Variants in ANLN observed in about 807,000 individuals in gnomAD.
ANLN encodes the protein anillin, actin binding protein, also known as anillin.
In ANLN, 59 loss-of-function variants were observed where a neutral mutation model predicts 135.1. The ratio of observed to expected loss-of-function variants is 0.44; its 90% CI spans 0.35 to 0.54. The LOEUF is 0.54. ANLN is among the 20% of genes least tolerant of loss of function. The pLI is 0.00. For missense variants in ANLN, 1,182 were observed against 1,340.0 expected (o/e 0.88, Z 1.84); for synonymous variants, 406 against 456.4 (o/e 0.89, Z 1.41).
chr7:36,451,589 A>G (rs918802547), intron 23 of ANLN, among the ~76,000 whole-genome samples: 2 of 152,232 alleles, frequency 1.3e-5, no homozygotes, highest in African/African-American at 4.8e-5. Flanking sequence ...TGAATGAGTA[A>G]ACACACTTAG....
chr7:36,425,678 A>T, intron 17 of ANLN, 24 bp from the exon 18 acceptor site: 1 of 1,548,684 alleles, frequency 6.5e-7, no homozygotes, highest in Non-Finnish European at 8.9e-7. Context: ...AGAAATATAT[A>T]TAGTAAGCTA....
chr7:36,431,633 T>TATATATATA (rs1788334910), intron 20 of ANLN, among the ~76,000 whole-genome samples: 9 of 136,522 alleles, frequency 6.6e-5, no homozygotes, highest in African/African-American at 1.3e-4. Context: ...TATATATATA[T>TATATATATA]TACCATTTTA....
At chr7:36,451,982 T>C (rs758399907) in intron 23 of ANLN, among the ~76,000 whole-genome samples, 4 of 152,226 alleles carry the variant, frequency 2.6e-5, no homozygotes, top group Non-Finnish European at 4.4e-5. Flanking sequence ...TCTACTAATA[T>C]AGTAGGACAA....
intron 20 of ANLN, chr7:36,428,342 C>A: frequency 7.8e-7 from 1 of 1,283,534 alleles, no homozygotes; most frequent in Non-Finnish European, 1.0e-6. Context: ...AGCTACTGGG[C>A]TATTTGTTCC....
At chr7:36,435,329 T>C (rs1788483674) in intron 20 of ANLN, among the ~76,000 whole-genome samples, 1 of 152,016 alleles carries the variant, frequency 6.6e-6, no homozygotes, top group Non-Finnish European at 1.5e-5. Context: ...GTTCTTGAGC[T>C]TCATTTATTG....
intron 1 of ANLN, among the ~76,000 whole-genome samples, chr7:36,393,594 C>A (rs62445295): frequency 1.3e-5 from 2 of 152,112 alleles, no homozygotes; most frequent in African/African-American, 2.4e-5. Context: ...GAAGACTTAA[C>A]GTGGAAATAC....
At chr7:36,401,184 A>T (rs1272897609) in intron 3 of ANLN, among the ~76,000 whole-genome samples, 2 of 152,192 alleles carry the variant, frequency 1.3e-5, no homozygotes, top group African/African-American at 4.8e-5. Flanking sequence ...AATTCTTATA[A>T]TCTTGAGATA....
intron 14 of ANLN, among the ~76,000 whole-genome samples, chr7:36,423,555 C>T (rs1199661930): frequency 6.6e-6 from 1 of 152,014 alleles, no homozygotes; most frequent in African/African-American, 2.4e-5. Flanking sequence ...AATTCAAAAT[C>T]AGCAGAAATT....
chr7:36,415,025 T>C (rs909715129), intron 7 of ANLN, among the ~76,000 whole-genome samples: 5 of 152,252 alleles, frequency 3.3e-5, no homozygotes, highest in African/African-American at 1.2e-4. Flanking sequence ...AAGTATTAGC[T>C]GCCTTTATTT....
intron 7 of ANLN, among the ~76,000 whole-genome samples, chr7:36,412,303 A>C (rs1322104000): frequency 7.9e-6 from 1 of 126,268 alleles, no homozygotes; most frequent in African/African-American, 2.8e-5. Flanking sequence ...TTGCTGCCAG[A>C]GAAATATATA....
intron 5 of ANLN, among the ~76,000 whole-genome samples, chr7:36,409,410 A>G (rs1787319801): frequency 6.6e-6 from 1 of 152,096 alleles, no homozygotes; most frequent in Non-Finnish European, 1.5e-5. Flanking sequence ...TTACTTACAT[A>G]TTCTCTGTGG....
intron 1 of ANLN, among the ~76,000 whole-genome samples, chr7:36,394,391 T>C (rs866661181): frequency 3.9e-5 from 6 of 152,244 alleles, no homozygotes; most frequent in Middle Eastern, 3.4e-3. Flanking sequence ...ATCTGTTCAG[T>C]TGGTTGGGAG....
rs756371103 is a variant in ANLN at position 36,390,004 on chromosome 7, C to T, written c.-23C>T. 9 of 1,614,114 alleles carry T rather than the reference C, an allele frequency of 5.6e-6. No homozygotes were observed. The South Asian group carries it at 9.9e-5, about 18-fold the overall frequency. On this transcript the variant is annotated 5_prime_UTR_variant, in exon 1 of 24. Transcript: ENST00000265748. ...GAATTTGAACCACCGTTTCCATCGTCTCGTAGTCCGACGCCTGGGGCGATG... is the reference window on the plus strand; with the variant it reads ...GAATTTGAACCACCGTTTCCATCGTTTCGTAGTCCGACGCCTGGGGCGATG...
intron 19 of ANLN, 115 bp downstream of exon 19, chr7:36,426,151 G>T: frequency 1.3e-6 from 1 of 769,076 alleles, no homozygotes. Flanking sequence ...GATCTCCTTT[G>T]GAATAATATT....
Position 36,417,083 on chromosome 7 carries a change from T to C in ANLN, c.1526T>C (p.Phe509Ser). ...AKNSSTEPKG[F>S]TECEMTKSSP... ...GGTCTTTCTTAAACATTTTTAGGTT[T>C]CACTGAATGCGAAATGACGAAATCT... is the stretch of plus-strand genomic sequence containing the variant. The change falls in exon 9 of 24, where the codon TTC (phenylalanine) becomes TCC (serine). Residue 509 changes from phenylalanine to serine, a missense_variant. Around this residue, in one of 3 missense-constraint regions of ANLN, gnomAD observed 1,022 missense variants for 1,134.0 expected, o/e 0.90. Transcript: ENST00000265748. The C allele has an allele frequency of 1.3e-6, 2 of 1,579,472 alleles. 1 individual carries two copies. The highest frequency in any genetic ancestry group is 3.4e-4 in the Middle Eastern group (2 of 5,946).
In ANLN at chr7:36,389,906, G is replaced by C; in HGVS notation, c.-121G>C. ...GAGAGGAGAGGACAGCTGGTTGTGG[G>C]AGAGTTCCCCCGCCTCAGACTCCTG... On this transcript the variant is annotated 5_prime_UTR_variant, in exon 1 of 24. Transcript: ENST00000265748. 3 of 1,574,400 alleles carry C rather than the reference G, an allele frequency of 1.9e-6. No homozygotes were observed. Among genetic ancestry groups the C allele is most frequent in the Non-Finnish European group, 2.6e-6 (3 of 1,148,272 alleles).
intron 5 of ANLN, among the ~76,000 whole-genome samples, chr7:36,410,281 T>TAAA (rs1787356494): frequency 1.3e-5 from 2 of 148,774 alleles, no homozygotes; most frequent in Non-Finnish European, 3.0e-5. Context: ...TTTTCAAAAT[T>TAAA]TTTTTTTTTT....
At chr7:36,401,335 ATTTT>A (rs1379653039) in intron 3 of ANLN, among the ~76,000 whole-genome samples, 1 of 151,858 alleles carries the variant, frequency 6.6e-6, no homozygotes, top group African/African-American at 2.4e-5. Flanking sequence ...CTGCCTGATG[ATTTT>A]TTTGTTTTTG....
At position 36,401,735 on chromosome 7, in the gene ANLN, T is replaced by G. The variant is rs1245277075; in HGVS notation, c.487+2342T>G. ...GTAAGAGGTAGGACTCGACTCCAGA[T>G]GCGGGACTTGGACACTGGACAAGAT... On this transcript the variant is annotated intron_variant, in intron 3 of 23. Transcript: ENST00000265748. 1.7e-5 allele frequency among the ~76,000 whole-genome samples: 2 copies of G among 117,880 alleles called. 1 individual carries two copies. Among genetic ancestry groups the G allele is most frequent in the Non-Finnish European group, 3.7e-5 (2 of 54,186 alleles). 77.3% of individuals were successfully genotyped at this position (117,880 alleles called of 152,430 possible).
Sources: gnomAD v4.1 joint callset for allele counts (sites outside exome capture counted in the v4.1 genomes callset) on GRCh38, gnomAD v4.1.1 for gene constraint, gnomAD v4.1.1 regional missense constraint, MANE v1.5 for transcripts, NCBI Gene and HGNC (gene_info 2026-07-23, HGNC 2026-07-21) for gene names.